The following SCFD2 variants were observed in gnomAD, a reference collection of about 807,000 sequenced individuals.
The protein encoded by SCFD2 is sec1 family domain containing 2, also known as sec1 family domain-containing protein 2.
Under a neutral mutation model 58.9 loss-of-function variants are expected in SCFD2, and 54 were observed. The observed-to-expected ratio is 0.92, with a 90% CI of 0.74 to 1.15. The LOEUF (loss-of-function observed/expected upper bound fraction) is 1.15, where lower values mean the gene tolerates loss of function less well. Among genes scored for constraint, SCFD2 ranks in the 50% most tolerant of loss-of-function variants. The pLI is 0.00. For missense variants in SCFD2, 805 were observed against 836.6 expected (o/e 0.96, Z 0.47); for synonymous variants, 321 against 335.9 (o/e 0.96, Z 0.49).
At chr4:52,885,964 G>A in intron 7 of SCFD2, 98 bp from the exon 8 acceptor site, 4 of 1,448,522 alleles carry the variant, frequency 2.8e-6, no homozygotes, top group Non-Finnish European at 3.8e-6. Context: ...GAAACCTCAG[G>A]ACTACTACTG....
intron 5 of SCFD2, among the ~76,000 whole-genome samples, chr4:53,050,768 C>T (rs948528997): frequency 2.6e-5 from 4 of 152,156 alleles, no homozygotes; most frequent in Admixed American, 2.6e-4. Context: ...GATGGCCCTC[C>T]AGGCCCTGGG....
chr4:53,365,543 G>A lies in SCFD2; in HGVS notation c.399C>T (p.Phe133=), dbSNP rs1365050839. Residue 133 remains phenylalanine (F), a synonymous_variant, in exon 1 of 9, where the codon TTC becomes TTT. Transcript: ENST00000401642. This position sits in a 1 kb window ranked among gnomAD's most constrained non-coding sequence, Gnocchi z 4.3. ...CACACAGCTTCTCCTCCAGCTGCTC[G>A]AACACCGGCTGCTGCCCCTCCATCT... ...AAEMEGQQPV[F]EQLEEKLCEW... 1 of 1,614,172 alleles carries A rather than the reference G, an allele frequency of 6.2e-7. No homozygotes were observed.
In SCFD2 at chr4:52,878,351, G is replaced by A. The variant is rs559595269; in HGVS notation, c.1963-4290C>T. Reference sequence around the variant, plus strand: ...GTAGAAGATGCTCAGACAGCTCCAGGTAAATGTGTTTCCTCTCCATTCGAT... The same window carrying A: ...GTAGAAGATGCTCAGACAGCTCCAGATAAATGTGTTTCCTCTCCATTCGAT... On this transcript the variant is annotated intron_variant, in intron 8 of 8. Coordinates refer to ENST00000401642, the MANE Select transcript of SCFD2 (RefSeq NM_152540.4). Among the ~76,000 whole-genome samples the A allele has an allele frequency of 1.1e-3, 161 of 152,276 alleles. No homozygotes were observed. In the South Asian group the frequency reaches 0.033, roughly 31 times the overall value.
intron 6 of SCFD2, among the ~76,000 whole-genome samples, chr4:52,917,498 A>C (rs1192667643): frequency 6.6e-6 from 1 of 152,166 alleles, no homozygotes; most frequent in Non-Finnish European, 1.5e-5. Flanking sequence ...CTAGCCATCC[A>C]TCTACCCACC....
At chr4:53,005,024 A>G (rs1338315881) in intron 5 of SCFD2, among the ~76,000 whole-genome samples, 3 of 152,124 alleles carry the variant, frequency 2.0e-5, no homozygotes, top group Non-Finnish European at 4.4e-5. Context: ...CAGCCTCCCC[A>G]GTAGCTGGGA....
intron 4 of SCFD2, among the ~76,000 whole-genome samples, chr4:53,249,705 A>C (rs182282797): frequency 1.3e-5 from 2 of 152,272 alleles, no homozygotes; most frequent in East Asian, 3.9e-4. Context: ...CAGCCAAACT[A>C]ACCTTCATAA....
chr4:52,983,544 AAAT>A (rs1445003864), intron 5 of SCFD2, among the ~76,000 whole-genome samples: 1 of 151,564 alleles, frequency 6.6e-6, no homozygotes, highest in Admixed American at 6.6e-5. Flanking sequence ...CTTAAATAAA[AAAT>A]AAATAAATAA....
chr4:52,926,322 G>A (rs1358488884), intron 5 of SCFD2, among the ~76,000 whole-genome samples: 2 of 151,958 alleles, frequency 1.3e-5, no homozygotes, highest in East Asian at 3.9e-4. Context: ...CATCAGAAGG[G>A]TGCTTCAGTC....
chr4:53,048,225 C>T (rs1396565419), intron 5 of SCFD2, among the ~76,000 whole-genome samples: 10 of 152,224 alleles, frequency 6.6e-5, no homozygotes, highest in Middle Eastern at 3.4e-3. Context: ...GTGGTGTGTG[C>T]CTGTAGTCCC....
chr4:53,182,453 C>T (rs890336294), intron 4 of SCFD2, among the ~76,000 whole-genome samples: 10 of 152,106 alleles, frequency 6.6e-5, no homozygotes, highest in African/African-American at 1.2e-4. Context: ...TAGCCATATG[C>T]AGAACGCTGA....
In SCFD2 at chr4:53,258,554, A is replaced by G. The variant is rs1484887454; in HGVS notation, c.1311+15272T>C. 9.8e-3 allele frequency among the ~76,000 whole-genome samples: 412 copies of G among 41,928 alleles called. 8 individuals carry two copies. Among genetic ancestry groups the G allele is most frequent in the Admixed American group, 0.019 (50 of 2,594 alleles). The allele number at this position is 41,928 out of a possible 152,430, so 27.5% of individuals were successfully genotyped here. ...GGTGTGTGTGTATATATATATATAT[A>G]TATATATATATATATATATATATAC... is the stretch of plus-strand genomic sequence containing the variant. On this transcript the variant is annotated intron_variant, in intron 4 of 8. Transcript: ENST00000401642.
At chr4:53,248,788 A>C (rs1577894209) in intron 4 of SCFD2, among the ~76,000 whole-genome samples, 2 of 152,362 alleles carry the variant, frequency 1.3e-5, no homozygotes, top group Admixed American at 6.5e-5. Context: ...GGACACCCAC[A>C]CCAAAAACCC....
At chr4:52,947,624 T>C (rs301104) in intron 5 of SCFD2, among the ~76,000 whole-genome samples, 26,804 of 151,906 alleles carry the variant, frequency 0.18, 5,314 homozygotes, top group African/African-American at 0.49. Context: ...AACAGTTCCA[T>C]GCACATATGG....
At chr4:53,108,967 A>G (rs937603957) in intron 5 of SCFD2, among the ~76,000 whole-genome samples, 2 of 152,212 alleles carry the variant, frequency 1.3e-5, no homozygotes, top group East Asian at 1.9e-4. Flanking sequence ...AAAATCCTCA[A>G]TAAAATACTA....
intron 3 of SCFD2, among the ~76,000 whole-genome samples, chr4:53,278,133 G>A (rs1182567979): frequency 6.6e-6 from 1 of 152,002 alleles, no homozygotes; most frequent in South Asian, 2.1e-4. Context: ...TTTGGAGGCC[G>A]AGGTGGGTGG....
At chr4:52,932,541 T>G (rs990577168) in intron 5 of SCFD2, among the ~76,000 whole-genome samples, 2 of 151,688 alleles carry the variant, frequency 1.3e-5, no homozygotes, top group African/African-American at 4.9e-5. Context: ...TAGTAGTGTC[T>G]TTTTTTTCAT....
chr4:53,227,796 C>A (rs1408540690), intron 4 of SCFD2, among the ~76,000 whole-genome samples: 3 of 152,060 alleles, frequency 2.0e-5, no homozygotes, highest in Non-Finnish European at 4.4e-5. Flanking sequence ...TGCAAAAAAT[C>A]AAAAATTATG....
chr4:52,979,017 C>A (rs1417391841), intron 5 of SCFD2, among the ~76,000 whole-genome samples: 1 of 151,440 alleles, frequency 6.6e-6, no homozygotes, highest in Non-Finnish European at 1.5e-5. Context: ...CTTCAGCCTC[C>A]CAAGGTGTTG....
chr4:53,110,757 T>C (rs1725146560), intron 5 of SCFD2, among the ~76,000 whole-genome samples: 2 of 152,138 alleles, frequency 1.3e-5, no homozygotes, highest in Admixed American at 6.6e-5. Flanking sequence ...AATTAGTTGA[T>C]CCATTGTGGA....
Sources: gnomAD v4.1 joint callset for allele counts (sites outside exome capture counted in the v4.1 genomes callset) on GRCh38, gnomAD v4.1.1 for gene constraint, Gnocchi (gnomAD v3.1) non-coding constraint, MANE v1.5 for transcripts, NCBI Gene and HGNC (gene_info 2026-07-23, HGNC 2026-07-21) for gene names.